B3GAT2: variants seen among roughly 807,000 people sequenced by gnomAD.
B3GAT2 encodes the protein galactosylgalactosylxylosylprotein 3-beta-glucuronosyltransferase 2.
Under a neutral mutation model 27.8 loss-of-function variants are expected in B3GAT2, and 26 were observed. That is an observed-to-expected ratio of 0.93 (90% CI 0.68 to 1.30). The LOEUF (loss-of-function observed/expected upper bound fraction) is 1.30. Ranked by LOEUF, B3GAT2 falls within the 50% of genes most tolerant of loss-of-function variation. The pLI is 0.00. For synonymous variants in B3GAT2, 218 were observed against 195.1 expected (o/e 1.12, Z -0.98); for missense variants, 458 against 459.0 (o/e 1.00, Z 0.02).
At chr6:70,931,956 G>A (rs1198230701) in intron 1 of B3GAT2, among the ~76,000 whole-genome samples, 1 of 152,044 alleles carries the variant, frequency 6.6e-6, no homozygotes, top group Non-Finnish European at 1.5e-5. Context: ...GGCAGAATAG[G>A]CTTGAAGAGA....
At chr6:70,949,260 G>A (rs933534517) in intron 1 of B3GAT2, among the ~76,000 whole-genome samples, 4 of 151,962 alleles carry the variant, frequency 2.6e-5, no homozygotes, top group Admixed American at 6.6e-5. Context: ...CCATCAGAGT[G>A]AACAGGCAAC....
At chr6:70,895,846 T>C (rs979531987) in intron 1 of B3GAT2, among the ~76,000 whole-genome samples, 24 of 151,994 alleles carry the variant, frequency 1.6e-4, no homozygotes, top group African/African-American at 5.8e-4. Flanking sequence ...TTTTTTTTTT[T>C]AACAAGCTGA....
chr6:70,857,261 C>T lies in B3GAT2; in HGVS notation c.*4402G>A. The stretch of plus-strand genomic sequence containing the variant: ...GAATTAACAAGCTGTTCATAGATCA[C>T]TAAATGTTGTTTCACAAGCTTATAG... On this transcript the variant is annotated 3_prime_UTR_variant, in exon 4 of 4. Transcript: ENST00000230053. The T allele has an allele frequency of 2.9e-6, 1 of 346,976 alleles. No individual in the cohort carries two copies. Among genetic ancestry groups the T allele is most frequent in the Non-Finnish European group, 5.2e-6 (1 of 193,536 alleles). 21.5% of individuals were successfully genotyped at this position (346,976 alleles called of 1,614,324 possible). A position where few individuals can be genotyped will look rare whatever the true frequency, so the allele number is the denominator to read the frequency against.
chr6:70,877,902 G>T (rs967681401), intron 2 of B3GAT2, among the ~76,000 whole-genome samples: 3 of 152,178 alleles, frequency 2.0e-5, no homozygotes, highest in Non-Finnish European at 4.4e-5. Context: ...CAGGGACCAG[G>T]CTTCTGAGCA....
intron 2 of B3GAT2, among the ~76,000 whole-genome samples, chr6:70,884,249 C>A (rs1772146881): frequency 6.6e-6 from 1 of 152,100 alleles, no homozygotes; most frequent in African/African-American, 2.4e-5. Context: ...CATGGGGAGA[C>A]CCGCTGAATT....
intron 2 of B3GAT2, among the ~76,000 whole-genome samples, chr6:70,875,928 G>A (rs1192029767): frequency 6.6e-6 from 1 of 152,190 alleles, no homozygotes; most frequent in Non-Finnish European, 1.5e-5. Context: ...CAATCAGGAT[G>A]CTGAGCAAGG....
chr6:70,893,342 G>A (rs1461688982), intron 2 of B3GAT2, among the ~76,000 whole-genome samples: 2 of 152,026 alleles, frequency 1.3e-5, no homozygotes, highest in Non-Finnish European at 2.9e-5. Flanking sequence ...CAGAGCTCAA[G>A]ATTGATGAGA....
intron 1 of B3GAT2, among the ~76,000 whole-genome samples, chr6:70,951,112 T>A (rs1268818670): frequency 6.6e-6 from 1 of 152,172 alleles, no homozygotes; most frequent in African/African-American, 2.4e-5. Flanking sequence ...CAAATATATA[T>A]GTGTTAACTT....
At position 70,860,821 on chromosome 6, in the gene B3GAT2, T is replaced by TCATTCACTTCA. The variant is rs1307315996; in HGVS notation, c.*831_*841dup. The TCATTCACTTCA allele has an allele frequency of 7.6e-6, 3 of 396,970 alleles. No individual in the cohort carries two copies. Among genetic ancestry groups the TCATTCACTTCA allele is most frequent in the Non-Finnish European group, 1.3e-5 (3 of 224,902 alleles). 24.6% of individuals were successfully genotyped at this position (396,970 alleles called of 1,614,324 possible). A position where few individuals can be genotyped will look rare whatever the true frequency, so the allele number is the denominator to read the frequency against. On this transcript the variant is annotated 3_prime_UTR_variant, in exon 4 of 4. Transcript: ENST00000230053. Reference sequence around the variant, plus strand: ...AGTGTATCAAAATGCTCTTATTTCATCATTCACTTCACTGTGCTGTTGTTA... The same window carrying TCATTCACTTCA: ...AGTGTATCAAAATGCTCTTATTTCATCATTCACTTCACATTCACTTCACTGTGCTGTTGTTA...
chr6:70,861,735 G>C lies in B3GAT2; in HGVS notation c.900C>G (p.His300Gln). The stretch of plus-strand genomic sequence containing the variant: ...CTAGATTAACCTTCTCTGTCCGAGT[G>C]TGCCACACGAGAACCTGAAGGGGAA... ...ANNCTKVLVW[H>Q]TRTEKVNLAN... Residue 300 changes from histidine (H) to glutamine (Q), a missense_variant, in exon 4 of 4, where the codon CAC (histidine) becomes CAG (glutamine). Transcript: ENST00000230053. 6.2e-7 allele frequency: 1 copy of C among 1,614,080 alleles called. No homozygotes were observed. The highest frequency in any genetic ancestry group is 8.5e-7 in the Non-Finnish European group (1 of 1,179,976).
chr6:70,931,932 C>T (rs1238753970), intron 1 of B3GAT2, among the ~76,000 whole-genome samples: 1 of 151,872 alleles, frequency 6.6e-6, no homozygotes, highest in African/African-American at 2.4e-5. Context: ...ACAACAAAAC[C>T]CAATTCAAAA....
chr6:70,886,943 C>T (rs544344818), intron 2 of B3GAT2, among the ~76,000 whole-genome samples: 26 of 152,296 alleles, frequency 1.7e-4, no homozygotes, highest in African/African-American at 5.5e-4. Flanking sequence ...CGGTGACAAT[C>T]ACACTGTACC....
At chr6:70,930,993 A>G (rs1582388830) in intron 1 of B3GAT2, among the ~76,000 whole-genome samples, 1 of 152,342 alleles carries the variant, frequency 6.6e-6, no homozygotes, top group Non-Finnish European at 1.5e-5. Context: ...ACCATGGAAT[A>G]CTATGCAGCC....
Position 70,859,322 on chromosome 6 carries a change from C to T in B3GAT2, c.*2341G>A, listed in dbSNP as rs778705927. 1.9e-6 allele frequency: 3 copies of T among 1,545,242 alleles called. No individual in the cohort carries two copies. Among genetic ancestry groups the T allele is most frequent in the South Asian group, 1.2e-5 (1 of 83,134 alleles). On this transcript the variant is annotated 3_prime_UTR_variant, in exon 4 of 4. Transcript: ENST00000230053. ...AGGAAGGAGTTAATACTGGCTCTTA[C>T]TTCCAGATAATGCAGAAGGGTGATG...
intron 1 of B3GAT2, among the ~76,000 whole-genome samples, chr6:70,916,358 A>G (rs1772774240): frequency 6.6e-6 from 1 of 152,058 alleles, no homozygotes; most frequent in Admixed American, 6.5e-5. Flanking sequence ...AGACTATTTG[A>G]CTTCCTCTTT....
chr6:70,892,888 CCTT>C (rs759078044), intron 2 of B3GAT2, among the ~76,000 whole-genome samples: 6 of 152,172 alleles, frequency 3.9e-5, no homozygotes, highest in Non-Finnish European at 5.9e-5. Context: ...AGCTGCCTCT[CCTT>C]CTGCCTCCAG....
intron 2 of B3GAT2, among the ~76,000 whole-genome samples, chr6:70,883,263 T>C (rs1272921625): frequency 6.6e-6 from 1 of 152,162 alleles, no homozygotes; most frequent in Non-Finnish European, 1.5e-5. Context: ...CGAACAGATA[T>C]CTGTGCACCA....
chr6:70,951,994 T>C (rs1582404067), intron 1 of B3GAT2, among the ~76,000 whole-genome samples: 1 of 152,170 alleles, frequency 6.6e-6, no homozygotes, highest in Middle Eastern at 3.4e-3. Context: ...TAAATAGAAG[T>C]ACTATTTAGG....
At chr6:70,885,629 G>A (rs957884410) in intron 2 of B3GAT2, among the ~76,000 whole-genome samples, 6 of 152,174 alleles carry the variant, frequency 3.9e-5, no homozygotes, top group Admixed American at 3.3e-4. Context: ...GAGTTCAAAT[G>A]TTCTTAAATA....
Sources: gnomAD v4.1 joint callset for allele counts (sites outside exome capture counted in the v4.1 genomes callset) on GRCh38, gnomAD v4.1.1 for gene constraint, MANE v1.5 for transcripts, NCBI Gene and HGNC (gene_info 2026-07-23, HGNC 2026-07-21) for gene names.